CFAP299: variants seen among roughly 807,000 people sequenced by gnomAD.
CFAP299 encodes the protein cilia- and flagella-associated protein 299.
Under a neutral mutation model 27.0 loss-of-function variants are expected in CFAP299, and 21 were observed. The observed-to-expected ratio is 0.78, with a 90% CI of 0.55 to 1.12. The LOEUF (loss-of-function observed/expected upper bound fraction) is 1.12. CFAP299 is among the 50% of genes most tolerant of loss of function. The pLI is 0.00. For missense variants in CFAP299, 310 were observed against 276.6 expected (o/e 1.12, Z -0.86); for synonymous variants, 104 against 98.1 (o/e 1.06, Z -0.36).
At chr4:80,943,293 A>G (rs1170130487) in intron 4 of CFAP299, among the ~76,000 whole-genome samples, 4 of 152,222 alleles carry the variant, frequency 2.6e-5, no homozygotes, top group Non-Finnish European at 5.9e-5. Flanking sequence ...TGACATAAAT[A>G]TATGATCTAT....
intron 2 of CFAP299, chr4:80,388,264 G>A (rs920848892): frequency 1.3e-5 from 9 of 690,198 alleles, no homozygotes; most frequent in Admixed American, 2.0e-5. Flanking sequence ...GCATGGGCTG[G>A]TCCAGGGATG....
At chr4:80,564,969 A>G (rs1280725425) in intron 2 of CFAP299, among the ~76,000 whole-genome samples, 3 of 152,036 alleles carry the variant, frequency 2.0e-5, no homozygotes, top group Admixed American at 6.6e-5. Flanking sequence ...AAAAATCTCT[A>G]TAACGAAAAC....
In CFAP299 at chr4:80,697,008, T is replaced by C. The variant is rs370323889; in HGVS notation, c.333+113825T>C. Among the ~76,000 whole-genome samples the C allele has an allele frequency of 5.1e-3, 770 of 152,304 alleles. 5 individuals are homozygous for C. The highest frequency in any genetic ancestry group is 0.02 in the Middle Eastern group (6 of 294). On this transcript the variant is annotated intron_variant, in intron 3 of 5. Coordinates refer to ENST00000358105, the MANE Select transcript of CFAP299 (RefSeq NM_152770.3). ...AAGGTCTAATATTTTTGTAAAGATT[T>C]TAATCAAAGCAGTTAAATCATTAAA... is the stretch of plus-strand genomic sequence containing the variant.
At chr4:80,403,244 A>G (rs760536357) in intron 2 of CFAP299, among the ~76,000 whole-genome samples, 3 of 152,246 alleles carry the variant, frequency 2.0e-5, no homozygotes, top group Non-Finnish European at 4.4e-5. Context: ...GTCTTGGAGA[A>G]GCTCACAACA....
chr4:80,390,594 T>TATACAC (rs1725308972), intron 2 of CFAP299, among the ~76,000 whole-genome samples: 1 of 140,518 alleles, frequency 7.1e-6, no homozygotes, highest in Non-Finnish European at 1.5e-5. Flanking sequence ...TGTATATATG[T>TATACAC]ATATATGTAT....
chr4:80,489,629 C>A (rs1223719028), intron 2 of CFAP299, among the ~76,000 whole-genome samples: 1 of 152,138 alleles, frequency 6.6e-6, no homozygotes, highest in African/African-American at 2.4e-5. Context: ...ATCTCTCCTG[C>A]AAAAATCAGA....
At chr4:80,634,053 G>A (rs1004936300) in intron 3 of CFAP299, among the ~76,000 whole-genome samples, 7 of 143,994 alleles carry the variant, frequency 4.9e-5, no homozygotes, top group Middle Eastern at 3.7e-3. Context: ...GCATACTCTC[G>A]GCTCACTGCA....
intron 2 of CFAP299, among the ~76,000 whole-genome samples, chr4:80,454,536 C>T (rs1729057140): frequency 6.6e-6 from 1 of 152,192 alleles, no homozygotes; most frequent in African/African-American, 2.4e-5. Context: ...CTCGGGCACA[C>T]ATGCCCATAT....
At chr4:80,664,312 C>A (rs925584627) in intron 3 of CFAP299, among the ~76,000 whole-genome samples, 1 of 152,136 alleles carries the variant, frequency 6.6e-6, no homozygotes, top group Non-Finnish European at 1.5e-5. Context: ...CAGGCAGGAA[C>A]GTTTGAGTCT....
intron 5 of CFAP299, among the ~76,000 whole-genome samples, chr4:80,949,632 G>A (rs1306151049): frequency 3.3e-5 from 5 of 151,252 alleles, no homozygotes; most frequent in African/African-American, 9.7e-5. Context: ...CATAAGGAGG[G>A]AAAGGGAGTC....
chr4:80,354,956 C>T (rs999197711), intron 1 of CFAP299, among the ~76,000 whole-genome samples: 3 of 152,138 alleles, frequency 2.0e-5, no homozygotes, highest in Non-Finnish European at 4.4e-5. Context: ...GATTGATTCA[C>T]TGTTGTGAAT....
At chr4:80,792,871 C>G (rs1727649572) in intron 3 of CFAP299, among the ~76,000 whole-genome samples, 1 of 152,002 alleles carries the variant, frequency 6.6e-6, no homozygotes, top group Non-Finnish European at 1.5e-5. Flanking sequence ...AGACTTTTAG[C>G]TTGGTCTTTC....
intron 3 of CFAP299, among the ~76,000 whole-genome samples, chr4:80,792,049 T>C (rs1470652950): frequency 6.6e-6 from 1 of 152,090 alleles, no homozygotes; most frequent in Non-Finnish European, 1.5e-5. Context: ...TGAACATTTA[T>C]ATAATGTTAT....
At chr4:80,325,181 A>G in the CFAP299 span, among the ~76,000 whole-genome samples, 1 of 152,248 alleles carries the variant, frequency 6.6e-6, no homozygotes, top group East Asian at 1.9e-4. Context: ...AAAAAAGGCA[A>G]CAACTGGGCA....
At chr4:80,795,092 T>C (rs2110101522) in intron 3 of CFAP299, among the ~76,000 whole-genome samples, 1 of 152,250 alleles carries the variant, frequency 6.6e-6, no homozygotes, top group Middle Eastern at 3.4e-3. Context: ...CGGGGCATGC[T>C]ATTCACTAGA....
rs141841424 is a variant in CFAP299 at position 80,850,063 on chromosome 4, A to G, written c.334-19930A>G. The stretch of plus-strand genomic sequence containing the variant: ...GAGGTAAAAAAGTCAAAACAACCCA[A>G]TAGAAAATAAAAAGTCTGAAGAAAG... On this transcript the variant is annotated intron_variant, in intron 3 of 5. Transcript: ENST00000358105. Among the ~76,000 whole-genome samples, 222 of 152,268 alleles carry G rather than the reference A, an allele frequency of 1.5e-3. 2 individuals are homozygous for G. The highest frequency in any genetic ancestry group is 1.9e-3 in the Non-Finnish European group (132 of 68,010).
chr4:80,926,668 A>T (rs1016769446), intron 4 of CFAP299, among the ~76,000 whole-genome samples: 4 of 152,018 alleles, frequency 2.6e-5, no homozygotes, highest in Non-Finnish European at 5.9e-5. Flanking sequence ...TCAAATTATG[A>T]CTCACAAACA....
intron 2 of CFAP299, among the ~76,000 whole-genome samples, chr4:80,558,072 G>A (rs916321201): frequency 2.6e-5 from 4 of 151,976 alleles, no homozygotes; most frequent in African/African-American, 9.7e-5. Context: ...TTTAATAATG[G>A]TCAACACAAC....
intron 2 of CFAP299, among the ~76,000 whole-genome samples, chr4:80,487,007 G>A (rs1730853066): frequency 6.6e-6 from 1 of 152,214 alleles, no homozygotes; most frequent in Admixed American, 6.5e-5. Flanking sequence ...TCTGAGAGTA[G>A]TGCTTGAGTT....
Sources: allele counts gnomAD v4.1 joint callset (sites outside exome capture counted in the v4.1 genomes callset), GRCh38; gene constraint gnomAD v4.1.1; transcripts MANE v1.5; gene names NCBI Gene and HGNC (gene_info 2026-07-23, HGNC 2026-07-21).